The following HSD17B12 variants were observed in gnomAD, a reference collection of about 807,000 sequenced individuals.
HSD17B12 encodes hydroxysteroid 17-beta dehydrogenase 12.
HSD17B12 carries 32 observed loss-of-function variants against 39.3 expected under a neutral mutation model. The ratio of observed to expected loss-of-function variants is 0.81; its 90% CI spans 0.61 to 1.09. HSD17B12 has a LOEUF of 1.09. Ranked by LOEUF, HSD17B12 falls within the 50% of genes least tolerant of loss-of-function variation. The probability of loss-of-function intolerance (pLI) is 0.00; values close to 1 mark genes in which losing one functional copy is unlikely to be tolerated. For missense variants in HSD17B12, 342 were observed against 382.9 expected, an observed-to-expected ratio of 0.89 and a Z score of 0.89; for synonymous variants, 150 against 146.7, an observed-to-expected ratio of 1.02 and a Z score of -0.16.
intron 3 of HSD17B12, among the ~76,000 whole-genome samples, chr11:43,771,469 T>C (rs1950648914): frequency 7.1e-6 from 1 of 141,102 alleles, no homozygotes; most frequent in Non-Finnish European, 1.5e-5. Context: ...ATTCTTTTTT[T>C]TTTTTTTTTT....
chr11:43,792,067 T>C (rs1434309300), intron 3 of HSD17B12, among the ~76,000 whole-genome samples: 1 of 152,194 alleles, frequency 6.6e-6, no homozygotes. Context: ...TCCCTTCTGG[T>C]ACACAATCAC....
At chr11:43,691,568 C>T (rs1463976652) in intron 1 of HSD17B12, among the ~76,000 whole-genome samples, 3 of 152,134 alleles carry the variant, frequency 2.0e-5, no homozygotes, top group Non-Finnish European at 2.9e-5. Context: ...TAATATATTG[C>T]CTCCCTACCA....
intron 1 of HSD17B12, among the ~76,000 whole-genome samples, chr11:43,720,620 A>G (rs982769808): frequency 2.0e-5 from 3 of 152,226 alleles, no homozygotes; most frequent in African/African-American, 7.2e-5. Context: ...CAAGTCGCAT[A>G]TCCAAGGAAG....
chr11:43,631,613 C>G, the HSD17B12 span, among the ~76,000 whole-genome samples: 9 of 125,548 alleles, frequency 7.2e-5, no homozygotes, highest in Admixed American at 3.9e-4. Context: ...CTCTCTGTCT[C>G]TCTCTCTCTG....
the HSD17B12 span, among the ~76,000 whole-genome samples, chr11:43,631,749 C>T: frequency 2.6e-5 from 4 of 152,150 alleles, no homozygotes; most frequent in Non-Finnish European, 5.9e-5. Context: ...CTGCTGTGGT[C>T]TAAACGTATC....
chr11:43,852,681 C>G (rs979016870), intron 9 of HSD17B12: 1 of 152,144 alleles, frequency 6.6e-6, no homozygotes, highest in Non-Finnish European at 1.5e-5. Flanking sequence ...AGTCGGAGAT[C>G]TCACCCTAGT....
At position 43,781,334 on chromosome 11, in the gene HSD17B12, G is replaced by A. The variant is rs1950763754; in HGVS notation, c.284-16986G>A. On this transcript the variant is annotated intron_variant, in intron 3 of 10. Transcript: ENST00000278353. ...ATGAAATCATTAAAAATGTTTGTCT[G>A]TATATGCTGACATGGAAGGTCATCT... is the stretch of plus-strand genomic sequence containing the variant. 2.0e-5 allele frequency among the ~76,000 whole-genome samples: 3 copies of A among 152,142 alleles called. No homozygotes were observed. The South Asian group carries it at 6.2e-4, about 32-fold the overall frequency.
At chr11:43,643,218 T>C in the HSD17B12 span, among the ~76,000 whole-genome samples, 1 of 152,130 alleles carries the variant, frequency 6.6e-6, no homozygotes, top group Admixed American at 6.5e-5. Flanking sequence ...GTTATACGTC[T>C]GGGCATGTTA....
intron 9 of HSD17B12, chr11:43,848,576 A>G (rs1041010974): frequency 1.3e-5 from 2 of 152,182 alleles, no homozygotes; most frequent in Admixed American, 1.3e-4. Context: ...TAAAGTTTCA[A>G]ATCCCACACT....
intron 3 of HSD17B12, among the ~76,000 whole-genome samples, chr11:43,781,346 A>C (rs1457337830): frequency 6.6e-6 from 1 of 152,220 alleles, no homozygotes; most frequent in South Asian, 2.1e-4. Context: ...ATATGCTGAC[A>C]TGGAAGGTCA....
At chr11:43,838,480 T>C in intron 8 of HSD17B12, 82 bp downstream of exon 8, 6 of 1,056,874 alleles carry the variant, frequency 5.7e-6, no homozygotes, top group Non-Finnish European at 8.8e-6. Flanking sequence ...GATTTAACTT[T>C]CCTGAAGTTC....
chr11:43,734,304 C>A, intron 1 of HSD17B12: 1 of 1,153,494 alleles, frequency 8.7e-7, no homozygotes, highest in Non-Finnish European at 1.3e-6. Context: ...GCCGTGGAAG[C>A]CAAAAAGGTG....
At chr11:43,802,886 G>T (rs1950985017) in intron 4 of HSD17B12, among the ~76,000 whole-genome samples, 1 of 152,122 alleles carries the variant, frequency 6.6e-6, no homozygotes, top group Non-Finnish European at 1.5e-5. Context: ...TTGATTTCTA[G>T]TTGGTTGCAA....
At chr11:43,816,238 T>G (rs1181986423) in intron 5 of HSD17B12, 109 bp from the exon 6 acceptor site, 1 of 915,234 alleles carries the variant, frequency 1.1e-6, no homozygotes, top group African/African-American at 1.8e-5. Context: ...CCAAAATCTC[T>G]GCAATATCTG....
chr11:43,761,300 G>A (rs921192267), intron 3 of HSD17B12, among the ~76,000 whole-genome samples: 6 of 152,320 alleles, frequency 3.9e-5, no homozygotes, highest in African/African-American at 1.2e-4. Flanking sequence ...ACATTGTCAT[G>A]TAAAATAAAA....
chr11:43,800,027 T>C (rs1245560886), intron 4 of HSD17B12, among the ~76,000 whole-genome samples: 2 of 152,230 alleles, frequency 1.3e-5, no homozygotes, highest in Admixed American at 1.3e-4. Flanking sequence ...CTTAAATATA[T>C]GTATTGCTGG....
chr11:43,731,979 C>T (rs1950271833), intron 1 of HSD17B12, among the ~76,000 whole-genome samples: 1 of 152,126 alleles, frequency 6.6e-6, no homozygotes, highest in African/African-American at 2.4e-5. Context: ...TGGCCAGAAC[C>T]ACTCTATATG....
the HSD17B12 span, among the ~76,000 whole-genome samples, chr11:43,577,401 C>A: frequency 1.4e-3 from 215 of 152,268 alleles, 1 homozygote; most frequent in Admixed American, 3.7e-3. Context: ...GTGTTAGATT[C>A]GAGGATGAGC....
At chr11:43,603,398 G>T in the HSD17B12 span, among the ~76,000 whole-genome samples, 1 of 151,950 alleles carries the variant, frequency 6.6e-6, no homozygotes, top group Non-Finnish European at 1.5e-5. Context: ...GTTGTAATTT[G>T]TTTTTTGTGT....
Sources: gnomAD v4.1 joint callset for allele counts (sites outside exome capture counted in the v4.1 genomes callset) on GRCh38, gnomAD v4.1.1 for gene constraint, MANE v1.5 for transcripts, NCBI Gene and HGNC (gene_info 2026-07-23, HGNC 2026-07-21) for gene names.